LDLRAD4: variants seen among roughly 807,000 people sequenced by gnomAD.
LDLRAD4 encodes low-density lipoprotein receptor class A domain-containing protein 4.
LDLRAD4 carries 5 observed loss-of-function variants against 17.0 expected under a neutral mutation model. The ratio of observed to expected loss-of-function variants is 0.29; its 90% CI spans 0.15 to 0.62. The LOEUF (loss-of-function observed/expected upper bound fraction) is 0.62, where lower values mean the gene tolerates loss of function less well. Ranked by LOEUF, LDLRAD4 falls within the 20% of genes least tolerant of loss-of-function variation. The probability of loss-of-function intolerance (pLI) is 0.84; values close to 1 mark genes in which losing one functional copy is unlikely to be tolerated. For missense variants in LDLRAD4, 340 were observed against 424.7 expected, an observed-to-expected ratio of 0.80 and a Z score of 1.75; for synonymous variants, 168 against 171.8, an observed-to-expected ratio of 0.98 and a Z score of 0.17.
chr18:13,629,727 C>A (rs2041494234), intron 4 of LDLRAD4, among the ~76,000 whole-genome samples: 1 of 151,464 alleles, frequency 6.6e-6, no homozygotes, highest in African/African-American at 2.4e-5. Context: ...ATAGTAAAAT[C>A]TGTTGGTTTA....
chr18:13,574,838 T>A (rs533734888), intron 3 of LDLRAD4, among the ~76,000 whole-genome samples: 1 of 152,352 alleles, frequency 6.6e-6, no homozygotes, highest in South Asian at 2.1e-4. Flanking sequence ...GGAAAATAAA[T>A]CAGAGCTTGA....
At position 13,377,540 on chromosome 18, in the gene LDLRAD4, G is replaced by T. The variant is rs145091902; in HGVS notation, c.-382-9801G>T. Reference sequence around the variant, plus strand: ...CTTCTTCTGGTTCCCTTAAGTGGGAGAAATAGCAGAGTGGTTGAACCGAAG... The same window carrying T: ...CTTCTTCTGGTTCCCTTAAGTGGGATAAATAGCAGAGTGGTTGAACCGAAG... On this transcript the variant is annotated intron_variant, in intron 1 of 5. Coordinates refer to ENST00000359446, the Ensembl canonical transcript of LDLRAD4. Among the ~76,000 whole-genome samples, 101 of 152,358 alleles carry T rather than the reference G, an allele frequency of 6.6e-4. 3 individuals are homozygous for T. The East Asian group carries it at 0.016, about 24-fold the overall frequency.
intron 1 of LDLRAD4, among the ~76,000 whole-genome samples, chr18:13,348,229 G>T (rs1227260266): frequency 2.0e-5 from 3 of 152,076 alleles, no homozygotes; most frequent in Non-Finnish European, 4.4e-5. Flanking sequence ...TTTGATGATG[G>T]TGACATACAA....
chr18:13,488,981 G>A (rs1053996907), intron 3 of LDLRAD4: 1 of 152,190 alleles, frequency 6.6e-6, no homozygotes, highest in Non-Finnish European at 1.5e-5. Flanking sequence ...TTATTGCAGA[G>A]TGAAGAGTAC....
intron 2 of LDLRAD4, among the ~76,000 whole-genome samples, chr18:13,400,522 T>C (rs1568101600): frequency 6.6e-6 from 1 of 152,130 alleles, no homozygotes; most frequent in East Asian, 1.9e-4. Flanking sequence ...GTGCAGTCCG[T>C]GCACACATGA....
At chr18:13,432,254 C>G (rs1035911991) in intron 2 of LDLRAD4, among the ~76,000 whole-genome samples, 1 of 152,186 alleles carries the variant, frequency 6.6e-6, no homozygotes, top group African/African-American at 2.4e-5. Flanking sequence ...TTTCTGAAAA[C>G]TCTCAAAGCT....
chr18:13,368,022 C>T (rs1198546470), intron 1 of LDLRAD4, among the ~76,000 whole-genome samples: 2 of 152,076 alleles, frequency 1.3e-5, no homozygotes, highest in African/African-American at 2.4e-5. Flanking sequence ...ACCTGAGACC[C>T]TGTCTCATAA....
chr18:13,305,409 A>G (rs2046854351), intron 1 of LDLRAD4, among the ~76,000 whole-genome samples: 1 of 152,236 alleles, frequency 6.6e-6, no homozygotes, highest in Non-Finnish European at 1.5e-5. Context: ...TTTTTTCAGT[A>G]TCCACTTAAG....
At chr18:13,534,132 T>G (rs540441040) in intron 3 of LDLRAD4, among the ~76,000 whole-genome samples, 1 of 152,300 alleles carries the variant, frequency 6.6e-6, no homozygotes, top group South Asian at 2.1e-4. Context: ...CTTTGCCACC[T>G]TGTTTAGGTT....
intron 3 of LDLRAD4, among the ~76,000 whole-genome samples, chr18:13,574,862 GATGGGAATA>G (rs2094746215): frequency 6.6e-6 from 1 of 152,180 alleles, no homozygotes; most frequent in Admixed American, 6.5e-5. Context: ...TAGCCTTTCT[GATGGGAATA>G]TCTATCTGGG....
At chr18:13,615,997 C>T (rs1012338896) in intron 3 of LDLRAD4, 19 of 152,158 alleles carry the variant, frequency 1.2e-4, no homozygotes, top group African/African-American at 3.9e-4. Context: ...GCTACTATTC[C>T]TGCGGGTTTT....
At chr18:13,610,550 G>A (rs2039448334) in intron 3 of LDLRAD4, among the ~76,000 whole-genome samples, 1 of 152,052 alleles carries the variant, frequency 6.6e-6, no homozygotes, top group African/African-American at 2.4e-5. Flanking sequence ...GCCTCCGAAA[G>A]TGCTAGGATT....
At chr18:13,371,573 G>A (rs1254711246) in intron 1 of LDLRAD4, among the ~76,000 whole-genome samples, 1 of 152,090 alleles carries the variant, frequency 6.6e-6, no homozygotes, top group Admixed American at 6.6e-5. Flanking sequence ...GACCAGCCTG[G>A]CCAACATGAT....
At chr18:13,406,106 A>G (rs1351034485) in intron 2 of LDLRAD4, among the ~76,000 whole-genome samples, 1 of 152,216 alleles carries the variant, frequency 6.6e-6, no homozygotes. Context: ...CTGGGCACCC[A>G]TGCTGGCAGC....
intron 1 of LDLRAD4, among the ~76,000 whole-genome samples, chr18:13,312,795 A>G (rs2047312152): frequency 6.6e-6 from 1 of 152,174 alleles, no homozygotes; most frequent in Non-Finnish European, 1.5e-5. Context: ...AAGGTTAAAT[A>G]TAATACTACG....
chr18:13,277,357 C>T (rs1171788175), upstream of LDLRAD4, among the ~76,000 whole-genome samples: 1 of 152,192 alleles, frequency 6.6e-6, no homozygotes, highest in African/African-American at 2.4e-5. Context: ...TTGCTGAGTT[C>T]ACCTGAAACT....
At chr18:13,271,272 A>C (rs2044521375) in intron 1 of LDLRAD4, among the ~76,000 whole-genome samples, 1 of 152,210 alleles carries the variant, frequency 6.6e-6, no homozygotes, top group Non-Finnish European at 1.5e-5. Flanking sequence ...AAGTGACTGT[A>C]ACCAAAATGA....
chr18:13,304,595 C>G (rs938246866), intron 1 of LDLRAD4, among the ~76,000 whole-genome samples: 1 of 152,216 alleles, frequency 6.6e-6, no homozygotes, highest in Non-Finnish European at 1.5e-5. Flanking sequence ...AGGAATGAGG[C>G]CAGGCAGCCA....
chr18:13,224,149 C>T (rs2041621512), intron 1 of LDLRAD4, among the ~76,000 whole-genome samples: 1 of 152,234 alleles, frequency 6.6e-6, no homozygotes, highest in Admixed American at 6.5e-5. Context: ...TGGCAAGAGC[C>T]TCAGTTATGA....
Sources: gnomAD v4.1 joint callset for allele counts (sites outside exome capture counted in the v4.1 genomes callset) on GRCh38, gnomAD v4.1.1 for gene constraint, MANE v1.5 for transcripts, NCBI Gene and HGNC (gene_info 2026-07-23, HGNC 2026-07-21) for gene names.